Variants in FFAR4 observed in about 807,000 individuals in gnomAD.
FFAR4 encodes G-protein coupled receptor 120.
A neutral mutation model predicts 27.0 loss-of-function variants in FFAR4; 19 were observed. That is an observed-to-expected ratio of 0.70 (90% confidence interval 0.49 to 1.03). The LOEUF is 1.03. FFAR4 is among the 50% of genes least tolerant of loss of function. The pLI is 0.00. For synonymous variants in FFAR4, 254 were observed against 215.6 expected, an observed-to-expected ratio of 1.18 and a Z score of -1.56; for missense variants, 476 against 479.0, an observed-to-expected ratio of 0.99 and a Z score of 0.06.
chr10:93,586,497 G>A (rs949724460), intron 2 of FFAR4, among the ~76,000 whole-genome samples: 1 of 152,128 alleles, frequency 6.6e-6, no homozygotes. Context: ...TATGCACACT[G>A]CTATTTCAGC....
At position 93,566,850 on chromosome 10, in the gene FFAR4, A is replaced by G; in HGVS notation, c.130A>G (p.Thr44Ala). ...DHRLVLAAVE[T>A]TVLVLIFAVS... ...CCGGCTGGTGCTGGCCGCGGTGGAG[A>G]CAACCGTGCTGGTGCTCATCTTTGC... Residue 44 changes from threonine to alanine, a missense_variant, in exon 1 of 3, where the codon ACA (threonine) becomes GCA (alanine). Transcript: ENST00000371481. 6.2e-7 allele frequency: 1 copy of G among 1,600,008 alleles called. No individual in the cohort carries two copies. The highest frequency in any genetic ancestry group is 8.5e-7 in the Non-Finnish European group (1 of 1,174,818).
At chr10:93,570,192 A>T (rs568691586) in intron 1 of FFAR4, among the ~76,000 whole-genome samples, 16 of 150,844 alleles carry the variant, frequency 1.1e-4, no homozygotes, top group African/African-American at 3.9e-4. Flanking sequence ...TCTCTCTCAC[A>T]CACACACACA....
chr10:93,576,055 G>A lies in FFAR4; in HGVS notation c.568-36G>A, dbSNP rs537069545. 13 of 1,611,026 alleles carry A rather than the reference G, an allele frequency of 8.1e-6. No individual in the cohort carries two copies. The Middle Eastern group carries it at 5.0e-4, about 62-fold the overall frequency. On this transcript the variant is annotated intron_variant, in intron 1 of 2. Coordinates refer to ENST00000371481, the MANE Select transcript of FFAR4 (RefSeq NM_001195755.2). The stretch of plus-strand genomic sequence containing the variant: ...TGAGCCAGAGGCCAATAAGAAGCCA[G>A]CATTTACATGATGTTCTTTTCCTTT...
intron 2 of FFAR4, among the ~76,000 whole-genome samples, chr10:93,583,551 G>T (rs1220752537): frequency 6.6e-6 from 1 of 152,186 alleles, no homozygotes; most frequent in Non-Finnish European, 1.5e-5. Context: ...AGAGTTCCTG[G>T]CATTAGAGTT....
At chr10:93,586,242 A>G (rs2058226275) in intron 2 of FFAR4, among the ~76,000 whole-genome samples, 1 of 152,136 alleles carries the variant, frequency 6.6e-6, no homozygotes, top group Non-Finnish European at 1.5e-5. Context: ...GTAAGTTCTC[A>G]TGAAATCTGA....
rs144539922 is a variant in FFAR4 at position 93,584,041 on chromosome 10, C to T, written c.697-3179C>T. On this transcript the variant is annotated intron_variant, in intron 2 of 2. Coordinates refer to ENST00000371481, the MANE Select transcript of FFAR4 (RefSeq NM_001195755.2). ...CTAGAGCGATATCCTTACTCAGAGGCGGTACCAATTCCTCTGCAGCCCACC... is the reference window on the plus strand; with the variant it reads ...CTAGAGCGATATCCTTACTCAGAGGTGGTACCAATTCCTCTGCAGCCCACC... Among the ~76,000 whole-genome samples, 702 of 151,280 alleles carry T rather than the reference C, an allele frequency of 4.6e-3. 11 individuals are homozygous for T. The highest frequency in any genetic ancestry group is 4.0e-3 in the Non-Finnish European group (273 of 67,786).
chr10:93,579,183 A>T, intron 2 of FFAR4: 1 of 1,613,850 alleles, frequency 6.2e-7, no homozygotes, highest in Non-Finnish European at 8.5e-7. Flanking sequence ...CCTGGATGCA[A>T]GAGCTGTCGT....
chr10:93,587,076 T>A (rs372219615), intron 2 of FFAR4, 144 bp from the exon 3 acceptor site: 46 of 676,984 alleles, frequency 6.8e-5, no homozygotes, highest in South Asian at 6.2e-4. Flanking sequence ...CTCCAGCACA[T>A]CCTAAGCTCG....
Position 93,589,821 on chromosome 10 carries a change from C to G in FFAR4, c.*2212C>G, listed in dbSNP as rs2058252129. ...GAGCCAAAGACCGAACCCAGGGTCA[C>G]TCCACCACTTGGAGGCTGGGCCAGT... On this transcript the variant is annotated 3_prime_UTR_variant, in exon 3 of 3. Transcript: ENST00000371481. The G allele has an allele frequency of 6.6e-6, 1 of 152,208 alleles. No individual in the cohort carries two copies. Among genetic ancestry groups the G allele is most frequent in the African/African-American group, 2.4e-5 (1 of 41,426 alleles). The allele number at this position is 152,208 out of a possible 1,614,324, so 9.4% of individuals were successfully genotyped here.
chr10:93,579,871 A>C (rs973618421), intron 2 of FFAR4, among the ~76,000 whole-genome samples: 1 of 152,256 alleles, frequency 6.6e-6, no homozygotes, highest in Non-Finnish European at 1.5e-5. Context: ...AAGTAATGTG[A>C]ACCTCAGTTT....
intron 2 of FFAR4, among the ~76,000 whole-genome samples, chr10:93,583,321 C>CAGG (rs2134554760): frequency 6.7e-6 from 1 of 149,414 alleles, no homozygotes; most frequent in South Asian, 2.1e-4. Context: ...GAGTCTGAGG[C>CAGG]AGGAGAATGG....
At chr10:93,582,324 C>A (rs1007209958) in intron 2 of FFAR4, among the ~76,000 whole-genome samples, 58 of 152,144 alleles carry the variant, frequency 3.8e-4, no homozygotes, top group African/African-American at 1.4e-3. Context: ...GCAGGCAGAT[C>A]ACCTGAGGTC....
rs986675482 is a variant in FFAR4 at position 93,587,816 on chromosome 10, T to C, written c.*207T>C. On this transcript the variant is annotated 3_prime_UTR_variant, in exon 3 of 3. Coordinates refer to ENST00000371481, the MANE Select transcript of FFAR4 (RefSeq NM_001195755.2). ...AAAAGGATTTGTTGGCCAGGTGCAG[T>C]GGTTCATGCCTGTAATCCCAGCAGT... The C allele has an allele frequency of 5.7e-6, 3 of 528,668 alleles. No individual in the cohort carries two copies. In the African/African-American group the frequency reaches 5.7e-5, roughly 10 times the overall value. The allele number at this position is 528,668 out of a possible 1,614,324, so 32.7% of individuals were successfully genotyped here.
At chr10:93,579,479 C>T (rs2058186764) in intron 2 of FFAR4, among the ~76,000 whole-genome samples, 1 of 152,124 alleles carries the variant, frequency 6.6e-6, no homozygotes, top group African/African-American at 2.4e-5. Context: ...TTAGTTTTTA[C>T]TCAAAAAGCT....
chr10:93,567,270 C>T lies in FFAR4; in HGVS notation c.550C>T (p.Leu184Phe), dbSNP rs1442105935. ...CVFFRVVPQRLPGADQEISIC... is the reference protein window; with the variant it reads ...CVFFRVVPQRFPGADQEISIC... ...CTTCTTCCGAGTCGTCCCGCAACGG[C>T]TCCCCGGCGCCGACCAGGTGAGCGC... is the stretch of plus-strand genomic sequence containing the variant. Residue 184 changes from leucine to phenylalanine, a missense_variant, in exon 1 of 3, where the codon CTC (leucine) becomes TTC (phenylalanine). Physicochemically the swap from Leu to Phe is conservative, Grantham distance 22 (BLOSUM62 0). Coordinates refer to ENST00000371481, the MANE Select transcript of FFAR4 (RefSeq NM_001195755.2). 1.3e-6 allele frequency: 2 copies of T among 1,599,320 alleles called. No individual in the cohort carries two copies. Among genetic ancestry groups the T allele is most frequent in the Non-Finnish European group, 1.7e-6 (2 of 1,179,550 alleles).
intron 1 of FFAR4, among the ~76,000 whole-genome samples, chr10:93,574,525 A>C (rs2058151241): frequency 1.3e-5 from 2 of 152,144 alleles, no homozygotes; most frequent in Non-Finnish European, 2.9e-5. Flanking sequence ...CTGAGTACAA[A>C]AGGAGGTGGT....
In FFAR4 at chr10:93,581,326, G is replaced by C. The variant is rs76982842; in HGVS notation, c.696+5107G>C. Among the ~76,000 whole-genome samples the C allele has an allele frequency of 3.3e-3, 505 of 152,362 alleles. 4 individuals carry two copies. The highest frequency in any genetic ancestry group is 0.012 in the African/African-American group (482 of 41,582). On this transcript the variant is annotated intron_variant, in intron 2 of 2. Coordinates refer to ENST00000371481, the MANE Select transcript of FFAR4 (RefSeq NM_001195755.2). ...CTCCACGCCTGACCTGCATTCCCCAGCTTTGGGGGCCTGCATGCTGGTCGT... is the reference window on the plus strand; with the variant it reads ...CTCCACGCCTGACCTGCATTCCCCACCTTTGGGGGCCTGCATGCTGGTCGT...
intron 2 of FFAR4, among the ~76,000 whole-genome samples, chr10:93,583,643 T>C (rs927901599): frequency 1.3e-5 from 2 of 152,034 alleles, no homozygotes; most frequent in Admixed American, 1.3e-4. Context: ...ATAAAGACAA[T>C]GGGCTGGCGT....
At position 93,572,208 on chromosome 10, in the gene FFAR4, G is replaced by T. The variant is rs1292723184; in HGVS notation, c.568-3883G>T. Among the ~76,000 whole-genome samples, 5 of 152,200 alleles carry T rather than the reference G, an allele frequency of 3.3e-5. No individual in the cohort carries two copies. In the East Asian group the frequency reaches 9.6e-4, roughly 29 times the overall value. On this transcript the variant is annotated intron_variant, in intron 1 of 2. Transcript: ENST00000371481. ...GAAGGGGATGATTGCACAAGCTTTG[G>T]AGAGCTGTGGAAAGGTCTCTGCTGG...
Sources: allele counts gnomAD v4.1 joint callset (sites outside exome capture counted in the v4.1 genomes callset), GRCh38; gene constraint gnomAD v4.1.1; transcripts MANE v1.5; gene names NCBI Gene and HGNC (gene_info 2026-07-23, HGNC 2026-07-21).